Variants in CEP170 observed in about 807,000 individuals in gnomAD.
CEP170 encodes centrosomal protein of 170 kDa.
CEP170 carries 21 observed loss-of-function variants against 151.9 expected under a neutral mutation model. The ratio of observed to expected loss-of-function variants is 0.14; its 90% CI spans 0.10 to 0.20. The LOEUF (loss-of-function observed/expected upper bound fraction) is 0.20, where lower values mean the gene tolerates loss of function less well. CEP170 is among the 10% of genes least tolerant of loss of function. The probability of loss-of-function intolerance (pLI) is 1.00; values close to 1 mark genes in which losing one functional copy is unlikely to be tolerated. For synonymous variants in CEP170, 356 were observed against 648.8 expected (o/e 0.55, Z 6.86); for missense variants, 964 against 1,892.9 (o/e 0.51, Z 9.11).
chr1:243,203,051 A>T (rs2061162610), intron 4 of CEP170, among the ~76,000 whole-genome samples: 1 of 152,156 alleles, frequency 6.6e-6, no homozygotes, highest in South Asian at 2.1e-4. Flanking sequence ...GTGTGTGTGG[A>T]AACGAAGAAG....
chr1:243,187,942 A>C (rs1370637240), intron 8 of CEP170, among the ~76,000 whole-genome samples: 1 of 152,198 alleles, frequency 6.6e-6, no homozygotes, highest in Non-Finnish European at 1.5e-5. Flanking sequence ...TTAATACTAT[A>C]AAAATCATAT....
chr1:243,176,485 C>A (rs557327787), intron 10 of CEP170, among the ~76,000 whole-genome samples: 1 of 10,128 alleles, frequency 9.9e-5, no homozygotes, highest in Non-Finnish European at 0.017. Context: ...CGAGTAGATA[C>A]ATCTCTGTGG....
intron 4 of CEP170, among the ~76,000 whole-genome samples, chr1:243,202,348 G>T (rs551609953): frequency 1.3e-5 from 2 of 152,132 alleles, no homozygotes; most frequent in East Asian, 3.9e-4. Context: ...ACCTATTGAG[G>T]TACAGTGTAT....
chr1:243,178,532 GCTTAATGAT>G (rs1402278086), intron 10 of CEP170, among the ~76,000 whole-genome samples: 2 of 152,062 alleles, frequency 1.3e-5, no homozygotes, highest in African/African-American at 4.8e-5. Flanking sequence ...GGAAGTGACT[GCTTAATGAT>G]CATGAGATTT....
At chr1:243,253,854 T>C (rs1488616975) in intron 1 of CEP170, among the ~76,000 whole-genome samples, 1 of 152,232 alleles carries the variant, frequency 6.6e-6, no homozygotes, top group African/African-American at 2.4e-5. Context: ...ATGTATCATC[T>C]GCTTCGCCAA....
At chr1:243,153,320 A>G (rs2148435668) in intron 14 of CEP170, among the ~76,000 whole-genome samples, 1 of 152,332 alleles carries the variant, frequency 6.6e-6, no homozygotes, top group South Asian at 2.1e-4. Flanking sequence ...AATATTACAT[A>G]AACTCAGTCG....
chr1:243,202,858 G>C (rs2148850137), intron 4 of CEP170, among the ~76,000 whole-genome samples: 1 of 152,176 alleles, frequency 6.6e-6, no homozygotes, highest in South Asian at 2.1e-4. Context: ...GAAAACACAA[G>C]TGATTTCAGC....
At chr1:243,200,742 T>A (rs752276309) in intron 5 of CEP170, 35 bp downstream of exon 5, 1 of 1,608,664 alleles carries the variant, frequency 6.2e-7, no homozygotes, top group Non-Finnish European at 8.5e-7. Flanking sequence ...TAGTGAAGAG[T>A]AGATTTGCAA....
chr1:243,253,992 C>A (rs2066223275), intron 1 of CEP170, among the ~76,000 whole-genome samples: 1 of 152,116 alleles, frequency 6.6e-6, no homozygotes, highest in African/African-American at 2.4e-5. Context: ...AAAGATGTAT[C>A]CATTCCCTCA....
Position 243,140,010 on chromosome 1 carries a change from T to C in CEP170, c.4157A>G (p.Asp1386Gly), listed in dbSNP as rs757561625. ...AGGCTCTGCTGCTTGAGGTCTTGGA[T>C]CACCAGATCGACCGTTGTTTCCTTC... ...TPEGNNGRSG[D>G]PRPQAAEPPD... Residue 1386 changes from aspartate to glycine, a missense_variant, in exon 16 of 20, where the codon GAT (aspartate) becomes GGT (glycine). Transcript: ENST00000366542. The C allele has an allele frequency of 3.7e-6, 6 of 1,613,964 alleles. No homozygotes were observed. The highest frequency in any genetic ancestry group is 5.1e-6 in the Non-Finnish European group (6 of 1,179,876).
At chr1:243,131,420 G>A (rs2054392640) in intron 17 of CEP170, among the ~76,000 whole-genome samples, 1 of 151,946 alleles carries the variant, frequency 6.6e-6, no homozygotes, top group African/African-American at 2.4e-5. Context: ...TGTGCCCAGG[G>A]AGGTCGAGGC....
intron 17 of CEP170, among the ~76,000 whole-genome samples, chr1:243,131,988 T>C (rs1450377246): frequency 6.6e-6 from 1 of 152,174 alleles, no homozygotes; most frequent in Non-Finnish European, 1.5e-5. Context: ...AGTCTACCAA[T>C]GCAAGGCCAT....
chr1:243,166,045 C>T lies in CEP170; in HGVS notation c.1915G>A (p.Glu639Lys). 6.2e-7 allele frequency: 1 copy of T among 1,612,400 alleles called. No individual in the cohort carries two copies. Among genetic ancestry groups the T allele is most frequent in the South Asian group, 1.1e-5 (1 of 90,870 alleles). ...GSATSLASQG[E>K]RRRRTLPQLP... Reference sequence around the variant, plus strand: ...TGGGGAAGAGTTCGTCTCCTTCTCTCTCCCTGGCTAGCCAAGGAAGTTGCA... The same window carrying T: ...TGGGGAAGAGTTCGTCTCCTTCTCTTTCCCTGGCTAGCCAAGGAAGTTGCA... The change falls in exon 13 of 20, where the codon GAG (glutamate) becomes AAG (lysine). Residue 639 changes from glutamate to lysine, a missense_variant. Glu to Lys is a moderately conservative substitution (Grantham distance 56). Coordinates refer to ENST00000366542, the MANE Select transcript of CEP170 (RefSeq NM_014812.3).
chr1:243,221,554 G>C, intron 3 of CEP170, 170 bp downstream of exon 3: 1 of 602,930 alleles, frequency 1.7e-6, no homozygotes, highest in Non-Finnish European at 2.8e-6. Context: ...ATATGGGCTA[G>C]TTTCATATTC....
chr1:243,178,759 C>A (rs938960006), intron 10 of CEP170, among the ~76,000 whole-genome samples: 2 of 151,626 alleles, frequency 1.3e-5, no homozygotes, highest in Non-Finnish European at 2.9e-5. Context: ...TGCTCTGTCA[C>A]CCAGGCTGGA....
At chr1:243,128,984 C>T (rs1482689495) in intron 18 of CEP170, 1 of 154,712 alleles carries the variant, frequency 6.5e-6, no homozygotes. Flanking sequence ...ATATTCTGAG[C>T]AATGAAAATC....
rs180681579 is a variant in CEP170, at chr1:243,181,340, T to A, written c.1566+4439A>T. The stretch of plus-strand genomic sequence containing the variant: ...TAGTGTATTTCCATGTAAACTTAGA[T>A]GTAAAACTTAAGAGGTCTTTATCAA... On this transcript the variant is annotated intron_variant, in intron 10 of 19. Coordinates refer to ENST00000366542, the MANE Select transcript of CEP170 (RefSeq NM_014812.3). Among the ~76,000 whole-genome samples the A allele has an allele frequency of 2.6e-5, 4 of 152,278 alleles. No individual in the cohort carries two copies. The East Asian group carries it at 7.7e-4, about 29-fold the overall frequency.
chr1:243,230,268 G>A (rs1026729764), intron 1 of CEP170, among the ~76,000 whole-genome samples: 3 of 151,956 alleles, frequency 2.0e-5, no homozygotes, highest in African/African-American at 4.8e-5. Context: ...TGCCCTGCAC[G>A]TCAGTCTGGG....
At chr1:243,254,088 T>C (rs1274360507) in intron 1 of CEP170, among the ~76,000 whole-genome samples, 1 of 152,072 alleles carries the variant, frequency 6.6e-6, no homozygotes, top group African/African-American at 2.4e-5. Flanking sequence ...TCAGGCCCTC[T>C]CTAGCCCAGG....
Sources: gnomAD v4.1 joint callset for allele counts (sites outside exome capture counted in the v4.1 genomes callset) on GRCh38, gnomAD v4.1.1 for gene constraint, MANE v1.5 for transcripts, NCBI Gene and HGNC (gene_info 2026-07-23, HGNC 2026-07-21) for gene names.